Variants in MTUS2 observed in about 807,000 individuals in gnomAD.
MTUS2 encodes the protein microtubule-associated tumor suppressor candidate 2.
MTUS2 carries 40 observed loss-of-function variants against 114.1 expected under a neutral mutation model. The ratio of observed to expected loss-of-function variants is 0.35; its 90% CI spans 0.27 to 0.46. The LOEUF is 0.46. MTUS2 is among the 20% of genes least tolerant of loss of function. MTUS2 has a pLI of 1.00. For synonymous variants in MTUS2, 688 were observed against 672.0 expected, an observed-to-expected ratio of 1.02 and a Z score of -0.37; for missense variants, 1,679 against 1,705.4, an observed-to-expected ratio of 0.98 and a Z score of 0.27.
intron 2 of MTUS2, among the ~76,000 whole-genome samples, chr13:28,891,933 T>C (rs1473896892): frequency 6.7e-6 from 1 of 149,322 alleles, no homozygotes; most frequent in Non-Finnish European, 1.5e-5. Context: ...CCTTCCCTGA[T>C]ATACTCTATT....
At chr13:28,969,272 T>C (rs1883742478) in intron 2 of MTUS2, among the ~76,000 whole-genome samples, 1 of 152,086 alleles carries the variant, frequency 6.6e-6, no homozygotes, top group Non-Finnish European at 1.5e-5. Context: ...AAACTATTTT[T>C]TTAATTGCCA....
At chr13:29,451,472 A>G (rs1240862913) in intron 9 of MTUS2, among the ~76,000 whole-genome samples, 5 of 152,188 alleles carry the variant, frequency 3.3e-5, no homozygotes, top group Admixed American at 6.5e-5. Context: ...TTGCCCAACA[A>G]TATTTAGAGG....
chr13:29,434,902 G>A (rs1877294886), intron 8 of MTUS2, among the ~76,000 whole-genome samples: 1 of 152,220 alleles, frequency 6.6e-6, no homozygotes, highest in African/African-American at 2.4e-5. Flanking sequence ...ATCCCCGCGA[G>A]TTTGCAAAAA....
rs755985685 is a variant in MTUS2 at position 29,025,578 on chromosome 13, C to T, written c.880C>T (p.Pro294Ser). 3.7e-6 allele frequency: 6 copies of T among 1,613,838 alleles called. No homozygotes were observed. The Admixed American group carries it at 1.0e-4, about 27-fold the overall frequency. The change falls in exon 3 of 16, where the codon CCA (proline) becomes TCA (serine). Residue 294 changes from proline (P) to serine (S), a missense_variant. This residue lies in a region of MTUS2 where 843 missense variants were observed against 770.8 expected (regional missense o/e 1.09). Coordinates refer to ENST00000612955, the MANE Select transcript of MTUS2 (RefSeq NM_001033602.4). ...TTTGACTTTGGCATCGAAGGAAATC[C>T]CAAGTAAACTGGAAGCACAATTAGG... The part of the protein sequence containing the change: ...LNLTLASKEI[P>S]SKLEAQLGQG...
intron 8 of MTUS2, 42 bp from the exon 9 acceptor site, chr13:29,439,941 A>G: frequency 6.8e-7 from 1 of 1,480,258 alleles, no homozygotes; most frequent in Non-Finnish European, 9.3e-7. Context: ...CTTATCTAGC[A>G]TAAAACTAGG....
intron 8 of MTUS2, among the ~76,000 whole-genome samples, chr13:29,431,893 G>A (rs1321224634): frequency 1.4e-4 from 21 of 152,106 alleles, no homozygotes. Context: ...CACCCAGTCT[G>A]GAGTGCAGTG....
At chr13:29,005,033 A>G (rs935898696) in intron 2 of MTUS2, among the ~76,000 whole-genome samples, 3 of 152,350 alleles carry the variant, frequency 2.0e-5, no homozygotes, top group African/African-American at 2.4e-5. Context: ...CGTGCCTGCC[A>G]TGGTGCAGCC....
intron 7 of MTUS2, among the ~76,000 whole-genome samples, chr13:29,329,151 C>CT (rs1362269077): frequency 6.6e-6 from 1 of 152,038 alleles, no homozygotes; most frequent in Non-Finnish European, 1.5e-5. Context: ...TAAAATTATA[C>CT]TTTAAGTTCT....
At chr13:29,280,424 C>A (rs1241309481) in intron 5 of MTUS2, among the ~76,000 whole-genome samples, 1 of 152,084 alleles carries the variant, frequency 6.6e-6, no homozygotes, top group Non-Finnish European at 1.5e-5. Context: ...CCTAAATATG[C>A]TTTTCTTTAG....
chr13:29,009,838 A>G (rs1290910296), intron 2 of MTUS2, among the ~76,000 whole-genome samples: 1 of 152,158 alleles, frequency 6.6e-6, no homozygotes, highest in African/African-American at 2.4e-5. Flanking sequence ...ATCAGGCATT[A>G]AAAAGCTGAT....
intron 5 of MTUS2, among the ~76,000 whole-genome samples, chr13:29,235,222 G>C (rs561137348): frequency 1.3e-5 from 2 of 151,942 alleles, no homozygotes; most frequent in Non-Finnish European, 2.9e-5. Flanking sequence ...TCAGCCTTCC[G>C]AGTAGCTGGG....
chr13:29,448,465 G>T (rs564768594), intron 9 of MTUS2, among the ~76,000 whole-genome samples: 1 of 152,314 alleles, frequency 6.6e-6, no homozygotes, highest in South Asian at 2.1e-4. Context: ...TTTAGCCACA[G>T]TGGAAATGGG....
rs139051600 is a variant in MTUS2, at chr13:29,489,231, C to A, written c.3505+1226C>A. ...AGGTTGCAGTGAGTCAAGATTGCGC[C>A]ATTGCACTCCAGCAACAAGAGCGAA... On this transcript the variant is annotated intron_variant, in intron 11 of 15. Transcript: ENST00000612955. 6.8e-3 allele frequency among the ~76,000 whole-genome samples: 1,031 copies of A among 152,162 alleles called. 11 individuals are homozygous for A. The highest frequency in any genetic ancestry group is 0.023 in the African/African-American group (965 of 41,488).
At chr13:29,090,651 G>A (rs1889901887) in intron 4 of MTUS2, among the ~76,000 whole-genome samples, 1 of 152,248 alleles carries the variant, frequency 6.6e-6, no homozygotes, top group African/African-American at 2.4e-5. Context: ...CTGCATGTGG[G>A]CATGGGTAGG....
At chr13:28,860,822 T>C (rs1004706355) in intron 2 of MTUS2, among the ~76,000 whole-genome samples, 1 of 152,234 alleles carries the variant, frequency 6.6e-6, no homozygotes, top group Non-Finnish European at 1.5e-5. Flanking sequence ...TTTGGTACAG[T>C]GTGACAGTGT....
intron 8 of MTUS2, among the ~76,000 whole-genome samples, chr13:29,377,804 G>A (rs1210621858): frequency 6.6e-6 from 1 of 152,100 alleles, no homozygotes; most frequent in Non-Finnish European, 1.5e-5. Flanking sequence ...TAAAAATCAA[G>A]GAGAAAATCA....
chr13:29,487,936 C>T lies in MTUS2; in HGVS notation c.3436C>T (p.Leu1146=). ...CACCGCCAGCCATGATGCTGCTCTC[C>T]TAGAGATGGAAAATAACCACACAGT... is the stretch of plus-strand genomic sequence containing the variant. ...DLTASHDAAL[L]EMENNHTVAI... is the part of the protein sequence containing the mutation. Residue 1146 remains leucine (L), a synonymous_variant, in exon 11 of 16, where the codon CTA becomes TTA. Coordinates refer to ENST00000612955, the MANE Select transcript of MTUS2 (RefSeq NM_001033602.4). 1 of 1,614,160 alleles carries T rather than the reference C, an allele frequency of 6.2e-7. No individual in the cohort carries two copies. The highest frequency in any genetic ancestry group is 2.2e-5 in the East Asian group (1 of 44,884).
chr13:29,460,923 A>G (rs967033829), intron 9 of MTUS2, among the ~76,000 whole-genome samples: 2 of 151,704 alleles, frequency 1.3e-5, no homozygotes, highest in Admixed American at 6.6e-5. Context: ...TGGCAAAAGC[A>G]TTTTGTATTT....
intron 8 of MTUS2, among the ~76,000 whole-genome samples, chr13:29,386,960 A>G (rs1872667881): frequency 6.6e-6 from 1 of 151,992 alleles, no homozygotes; most frequent in African/African-American, 2.4e-5. Context: ...TAGATTTACC[A>G]CTCTAAGGGT....
Sources: gnomAD v4.1 joint callset for allele counts (sites outside exome capture counted in the v4.1 genomes callset) on GRCh38, gnomAD v4.1.1 for gene constraint, gnomAD v4.1.1 regional missense constraint, MANE v1.5 for transcripts, NCBI Gene and HGNC (gene_info 2026-07-23, HGNC 2026-07-21) for gene names.